The following ITFG1 variants were observed in gnomAD, a reference collection of about 807,000 sequenced individuals.
ITFG1 encodes the protein T-cell immunomodulatory protein.
Under a neutral mutation model 81.8 loss-of-function variants are expected in ITFG1, and 34 were observed. That is an observed-to-expected ratio of 0.42 (90% CI 0.32 to 0.55). The LOEUF (loss-of-function observed/expected upper bound fraction) is 0.55, where lower values mean the gene tolerates loss of function less well. Ranked by LOEUF, ITFG1 falls within the 20% of genes least tolerant of loss-of-function variation. ITFG1 has a pLI of 0.17. For synonymous variants in ITFG1, 285 were observed against 270.6 expected, an observed-to-expected ratio of 1.05 and a Z score of -0.52; for missense variants, 672 against 755.4, an observed-to-expected ratio of 0.89 and a Z score of 1.29.
intron 13 of ITFG1, among the ~76,000 whole-genome samples, chr16:47,227,725 T>C (rs546235368): frequency 5.2e-4 from 79 of 152,290 alleles, no homozygotes; most frequent in Non-Finnish European, 7.5e-4. Flanking sequence ...CTTCAAATCA[T>C]TGGCTCTGGA....
intron 6 of ITFG1, among the ~76,000 whole-genome samples, chr16:47,417,742 A>G (rs865980862): frequency 1.3e-5 from 2 of 152,162 alleles, no homozygotes; most frequent in East Asian, 1.9e-4. Context: ...ATATGATTCC[A>G]TTGTGTATAT....
chr16:47,288,201 C>T (rs1263726236), intron 10 of ITFG1, among the ~76,000 whole-genome samples: 1 of 152,138 alleles, frequency 6.6e-6, no homozygotes, highest in Non-Finnish European at 1.5e-5. Context: ...TGTGGTTATT[C>T]ACCTTTCTGT....
At position 47,191,361 on chromosome 16, in the gene ITFG1, C is replaced by G. The variant is rs140263016; in HGVS notation, c.1453+27507G>C. 6.6e-3 allele frequency among the ~76,000 whole-genome samples: 1,000 copies of G among 152,010 alleles called. 39 individuals carry two copies. Among genetic ancestry groups the G allele is most frequent in the Admixed American group, 0.057 (877 of 15,276 alleles). ...GGGTGGCTTTGAATGTGGCCCAACA[C>G]AAATTCATAAACTTTCTTAAAACAT... On this transcript the variant is annotated intron_variant, in intron 14 of 17. Coordinates refer to ENST00000320640, the MANE Select transcript of ITFG1 (RefSeq NM_030790.5).
intron 12 of ITFG1, among the ~76,000 whole-genome samples, chr16:47,243,539 A>G (rs1965962147): frequency 6.6e-6 from 1 of 152,228 alleles, no homozygotes; most frequent in South Asian, 2.1e-4. Context: ...TCTTCAACTC[A>G]TGTCTATGAA....
At chr16:47,296,279 A>G (rs184880774) in intron 10 of ITFG1, among the ~76,000 whole-genome samples, 71 of 150,606 alleles carry the variant, frequency 4.7e-4, no homozygotes, top group Non-Finnish European at 2.2e-4. Context: ...AACACTATAA[A>G]CTTCCCTCTT....
chr16:47,440,856 CAG>C (rs1280661438), intron 5 of ITFG1, among the ~76,000 whole-genome samples: 3 of 151,886 alleles, frequency 2.0e-5, no homozygotes, highest in African/African-American at 7.3e-5. Flanking sequence ...CTGAAGGAGA[CAG>C]AGACACAAAA....
chr16:47,415,858 C>A (rs1968867296), intron 6 of ITFG1, among the ~76,000 whole-genome samples: 1 of 152,078 alleles, frequency 6.6e-6, no homozygotes, highest in East Asian at 1.9e-4. Context: ...CTTTGGGAGG[C>A]TGAGGTGGGC....
In ITFG1 at chr16:47,376,964, C is replaced by CAAAAAAAAAAA. The variant is rs1222007051; in HGVS notation, c.656-1035_656-1025dup. 1.7e-4 allele frequency among the ~76,000 whole-genome samples: 3 copies of CAAAAAAAAAAA among 18,076 alleles called. 1 individual carries two copies. The highest frequency in any genetic ancestry group is 3.7e-4 in the African/African-American group (3 of 8,046). The allele number at this position is 18,076 out of a possible 152,430, so 11.9% of individuals were successfully genotyped here. The stretch of plus-strand genomic sequence containing the variant: ...GAGACAGAGGGAGACTCTGTCTCCC[C>CAAAAAAAAAAA]AAAAAAAAAAAAAAAAAAAAAAAAA... On this transcript the variant is annotated intron_variant, in intron 6 of 17. Transcript: ENST00000320640.
rs370101527 is a variant in ITFG1 at position 47,200,798 on chromosome 16, G to T, written c.1453+18070C>A. 8.5e-5 allele frequency among the ~76,000 whole-genome samples: 13 copies of T among 152,234 alleles called. No homozygotes were observed. In the East Asian group the frequency reaches 9.6e-4, roughly 11 times the overall value. On this transcript the variant is annotated intron_variant, in intron 14 of 17. Transcript: ENST00000320640. ...CCTACTCAGCTGAAACTTTGGTGGTGGGGCCTGGAAAGGTGTGTTTTAATT... is the reference window on the plus strand; with the variant it reads ...CCTACTCAGCTGAAACTTTGGTGGTTGGGCCTGGAAAGGTGTGTTTTAATT...
At chr16:47,443,067 C>G (rs1337304205) in intron 5 of ITFG1, among the ~76,000 whole-genome samples, 2 of 151,980 alleles carry the variant, frequency 1.3e-5, no homozygotes, top group Non-Finnish European at 1.5e-5. Flanking sequence ...AAAAAACAAC[C>G]CCATCAAAAA....
chr16:47,237,345 G>A (rs571513332), intron 13 of ITFG1, among the ~76,000 whole-genome samples: 1 of 152,224 alleles, frequency 6.6e-6, no homozygotes, highest in East Asian at 1.9e-4. Context: ...CAGTTTCCTT[G>A]TCTTTAAATA....
At chr16:47,394,075 C>T (rs1342659094) in intron 6 of ITFG1, among the ~76,000 whole-genome samples, 2 of 152,158 alleles carry the variant, frequency 1.3e-5, no homozygotes, top group Non-Finnish European at 2.9e-5. Flanking sequence ...AGATATACTG[C>T]AGAGCAGCAG....
Position 47,302,478 on chromosome 16 carries a change from C to T in ITFG1, c.1070+8762G>A, listed in dbSNP as rs181809957. On this transcript the variant is annotated intron_variant, in intron 10 of 17. Transcript: ENST00000320640. ...GCGTGCTGGCAGTCCTCACAGCCCTCGCTTGCTCTCAGCACCTCCTCTGCC... is the reference window on the plus strand; with the variant it reads ...GCGTGCTGGCAGTCCTCACAGCCCTTGCTTGCTCTCAGCACCTCCTCTGCC... Among the ~76,000 whole-genome samples the T allele has an allele frequency of 5.9e-5, 9 of 152,172 alleles. No individual in the cohort carries two copies. In the East Asian group the frequency reaches 1.4e-3, roughly 23 times the overall value.
chr16:47,161,155 G>A (rs555948136), intron 16 of ITFG1, among the ~76,000 whole-genome samples: 1 of 152,180 alleles, frequency 6.6e-6, no homozygotes, highest in Non-Finnish European at 1.5e-5. Flanking sequence ...AGGATTTAAA[G>A]TTAAATGCTG....
intron 6 of ITFG1, among the ~76,000 whole-genome samples, chr16:47,404,146 G>A (rs1460699782): frequency 6.6e-6 from 1 of 152,080 alleles, no homozygotes; most frequent in Non-Finnish European, 1.5e-5. Flanking sequence ...AAGGGTTGGG[G>A]GCTAGTGCTC....
At chr16:47,328,753 T>C (rs1967597277) in intron 8 of ITFG1, among the ~76,000 whole-genome samples, 1 of 152,162 alleles carries the variant, frequency 6.6e-6, no homozygotes, top group African/African-American at 2.4e-5. Context: ...GATTAGCACA[T>C]TTAAATGAAA....
intron 14 of ITFG1, among the ~76,000 whole-genome samples, chr16:47,185,208 T>C (rs1227014434): frequency 3.3e-5 from 5 of 152,080 alleles, no homozygotes; most frequent in Non-Finnish European, 7.3e-5. Context: ...CTGTCAACAT[T>C]AGACAGATCA....
intron 10 of ITFG1, among the ~76,000 whole-genome samples, chr16:47,304,921 A>T (rs1967134195): frequency 6.6e-6 from 1 of 152,198 alleles, no homozygotes; most frequent in African/African-American, 2.4e-5. Flanking sequence ...ATTATCTCAG[A>T]ATGGCACTCT....
Position 47,459,894 on chromosome 16 carries a change from T to TC in ITFG1, c.209-720dup, listed in dbSNP as rs1684580588. The stretch of plus-strand genomic sequence containing the variant: ...TCAGGGTTTGTAAGAGGTTCCTGCA[T>TC]CCCCGCAAGGGCTCCAAGAAGTCTG... On this transcript the variant is annotated intron_variant, in intron 1 of 17. Transcript: ENST00000320640. Among the ~76,000 whole-genome samples, 3 of 152,142 alleles carry TC rather than the reference T, an allele frequency of 2.0e-5. No individual in the cohort carries two copies. In the South Asian group the frequency reaches 6.2e-4, roughly 31 times the overall value.
Sources: gnomAD v4.1 joint callset for allele counts (sites outside exome capture counted in the v4.1 genomes callset) on GRCh38, gnomAD v4.1.1 for gene constraint, MANE v1.5 for transcripts, NCBI Gene and HGNC (gene_info 2026-07-23, HGNC 2026-07-21) for gene names.